Variants in ARHGAP26 observed in about 807,000 individuals in gnomAD.
ARHGAP26 encodes Rho GTPase activating protein 26, also known as rho GTPase-activating protein 26.
A neutral mutation model predicts 104.8 loss-of-function variants in ARHGAP26; 38 were observed. The observed-to-expected ratio is 0.36, with a 90% CI of 0.28 to 0.48. The LOEUF is 0.48. Among genes scored for constraint, ARHGAP26 ranks in the 20% least tolerant of loss-of-function variants. ARHGAP26 has a pLI of 0.99. For missense variants in ARHGAP26, 704 were observed against 947.9 expected (o/e 0.74, Z 3.38); for synonymous variants, 341 against 340.0 (o/e 1.00, Z -0.03).
At chr5:142,796,078 G>GTC (rs1760935940) in intron 1 of ARHGAP26, among the ~76,000 whole-genome samples, 1 of 151,924 alleles carries the variant, frequency 6.6e-6, no homozygotes, top group Non-Finnish European at 1.5e-5. Context: ...GTGTGTGTGT[G>GTC]TGTGTGTGTG....
At chr5:143,098,539 G>C (rs1472617442) in intron 17 of ARHGAP26, among the ~76,000 whole-genome samples, 1 of 152,002 alleles carries the variant, frequency 6.6e-6, no homozygotes, top group Non-Finnish European at 1.5e-5. Context: ...TACATTAGCT[G>C]AATTATTTTA....
chr5:142,891,757 G>A (rs1483980603), intron 5 of ARHGAP26, among the ~76,000 whole-genome samples: 1 of 151,956 alleles, frequency 6.6e-6, no homozygotes, highest in Non-Finnish European at 1.5e-5. Context: ...GTTTCTGACT[G>A]TGTCATTTCT....
intron 11 of ARHGAP26, among the ~76,000 whole-genome samples, chr5:142,964,895 C>T (rs1349052893): frequency 6.6e-6 from 1 of 152,172 alleles, no homozygotes; most frequent in Non-Finnish European, 1.5e-5. Flanking sequence ...ACCACTACCA[C>T]CAATGCGCGG....
intron 1 of ARHGAP26, among the ~76,000 whole-genome samples, chr5:142,774,513 G>A (rs1324317882): frequency 1.3e-5 from 2 of 151,340 alleles, no homozygotes; most frequent in Admixed American, 6.6e-5. Flanking sequence ...CCTTCCAGTT[G>A]CCCCTATTTC....
intron 19 of ARHGAP26, among the ~76,000 whole-genome samples, chr5:143,138,820 A>G (rs1432746669): frequency 6.6e-6 from 1 of 152,234 alleles, no homozygotes; most frequent in Non-Finnish European, 1.5e-5. Flanking sequence ...TGACACAGGT[A>G]CTGTCCCTGT....
intron 20 of ARHGAP26, among the ~76,000 whole-genome samples, chr5:143,196,786 A>G (rs1050380870): frequency 6.6e-6 from 1 of 152,228 alleles, no homozygotes; most frequent in Admixed American, 6.5e-5. Flanking sequence ...ACAAGAAGGC[A>G]GAGCTTTGCC....
At chr5:142,946,360 G>A (rs894101277) in intron 11 of ARHGAP26, among the ~76,000 whole-genome samples, 2 of 152,188 alleles carry the variant, frequency 1.3e-5, no homozygotes, top group African/African-American at 4.8e-5. Flanking sequence ...CTCACCTCCA[G>A]CAACAGCACC....
chr5:142,832,471 G>C (rs1768667270), intron 1 of ARHGAP26, among the ~76,000 whole-genome samples: 1 of 152,254 alleles, frequency 6.6e-6, no homozygotes, highest in Non-Finnish European at 1.5e-5. Flanking sequence ...AGCAGGACCT[G>C]ACCTTGCTGG....
intron 11 of ARHGAP26, among the ~76,000 whole-genome samples, chr5:142,941,115 T>C (rs1323094374): frequency 6.8e-6 from 1 of 146,386 alleles, no homozygotes. Flanking sequence ...CTATATTCCA[T>C]TGGGTATATA....
intron 17 of ARHGAP26, among the ~76,000 whole-genome samples, chr5:143,080,683 G>A (rs1359029984): frequency 6.6e-6 from 1 of 152,242 alleles, no homozygotes; most frequent in Non-Finnish European, 1.5e-5. Flanking sequence ...GCAGGGGCCA[G>A]ATGAAGTGGT....
chr5:143,137,743 T>G (rs1798059677), intron 19 of ARHGAP26, among the ~76,000 whole-genome samples: 1 of 152,228 alleles, frequency 6.6e-6, no homozygotes, highest in African/African-American at 2.4e-5. Flanking sequence ...GCAGTTGAAA[T>G]GCTTAGTGGG....
chr5:143,162,624 G>T (rs772008558), intron 20 of ARHGAP26, among the ~76,000 whole-genome samples: 1 of 152,154 alleles, frequency 6.6e-6, no homozygotes, highest in Admixed American at 6.5e-5. Flanking sequence ...CCCACCAATT[G>T]CCCTTACTGC....
chr5:143,201,553 T>C (rs879923396), intron 20 of ARHGAP26, among the ~76,000 whole-genome samples: 9 of 152,310 alleles, frequency 5.9e-5, no homozygotes, highest in Non-Finnish European at 1.3e-4. Flanking sequence ...TATTTATTTT[T>C]GTCTGCCGTT....
chr5:142,901,853 A>G, intron 6 of ARHGAP26, 82 bp from the exon 7 acceptor site: 2 of 1,084,542 alleles, frequency 1.8e-6, no homozygotes, highest in East Asian at 4.8e-5. Context: ...CTTTCAAGCC[A>G]GTGTTGGGAG....
intron 17 of ARHGAP26, among the ~76,000 whole-genome samples, chr5:143,116,552 C>A (rs1462238363): frequency 6.6e-6 from 1 of 152,206 alleles, no homozygotes; most frequent in Non-Finnish European, 1.5e-5. Flanking sequence ...CATTTAAACT[C>A]TAGGAAAACA....
At chr5:143,041,642 A>C in intron 13 of ARHGAP26, 174 bp from the exon 14 acceptor site, 1 of 601,274 alleles carries the variant, frequency 1.7e-6, no homozygotes, top group African/African-American at 1.9e-5. Flanking sequence ...CAGCTGTACC[A>C]AATCCCACTC....
At chr5:142,851,819 A>G (rs759126662) in intron 1 of ARHGAP26, among the ~76,000 whole-genome samples, 2 of 151,970 alleles carry the variant, frequency 1.3e-5, no homozygotes, top group Non-Finnish European at 2.9e-5. Context: ...CTTCTCCCTC[A>G]TCTTTGTCAG....
At chr5:142,936,145 A>ACACACACACACC (rs764972784) in intron 11 of ARHGAP26, among the ~76,000 whole-genome samples, 38 of 149,458 alleles carry the variant, frequency 2.5e-4, no homozygotes, top group South Asian at 4.3e-4. Context: ...ACACACACAC[A>ACACACACACACC]CCCCTTCTAT....
chr5:143,094,665 T>C (rs1362487683), intron 17 of ARHGAP26, among the ~76,000 whole-genome samples: 1 of 152,264 alleles, frequency 6.6e-6, no homozygotes, highest in East Asian at 1.9e-4. Flanking sequence ...GGGGAAAGCC[T>C]TCTTATCCCT....
Sources: allele counts gnomAD v4.1 joint callset (sites outside exome capture counted in the v4.1 genomes callset), GRCh38; gene constraint gnomAD v4.1.1; transcripts MANE v1.5; gene names NCBI Gene and HGNC (gene_info 2026-07-23, HGNC 2026-07-21).